NLGN1: variants seen among roughly 807,000 people sequenced by gnomAD.
NLGN1 encodes neuroligin-1.
In NLGN1, 12 loss-of-function variants were observed where a neutral mutation model predicts 65.5. That is an observed-to-expected ratio of 0.18 (90% CI 0.12 to 0.30). The LOEUF (loss-of-function observed/expected upper bound fraction) is 0.30. Ranked by LOEUF, NLGN1 falls within the 10% of genes least tolerant of loss-of-function variation. The probability of loss-of-function intolerance (pLI) is 1.00; values close to 1 mark genes in which losing one functional copy is unlikely to be tolerated. For missense variants in NLGN1, 750 were observed against 1,007.1 expected, an observed-to-expected ratio of 0.74 and a Z score of 3.46; for synonymous variants, 350 against 359.5, an observed-to-expected ratio of 0.97 and a Z score of 0.30.
intron 3 of NLGN1, among the ~76,000 whole-genome samples, chr3:173,745,937 A>G (rs73050435): frequency 0.012 from 1,789 of 152,246 alleles, 30 homozygotes; most frequent in African/African-American, 0.039. Flanking sequence ...TCACTTATCC[A>G]AGTGTGTAAC....
At chr3:174,266,032 G>GTATATA (rs3036872) in intron 4 of NLGN1, among the ~76,000 whole-genome samples, 1 of 129,748 alleles carries the variant, frequency 7.7e-6, no homozygotes, top group African/African-American at 3.0e-5. Context: ...GTGTGTGTGT[G>GTATATA]TATATATATA....
intron 3 of NLGN1, among the ~76,000 whole-genome samples, chr3:173,730,030 C>T (rs966595219): frequency 2.6e-5 from 4 of 151,158 alleles, no homozygotes; most frequent in East Asian, 1.9e-4. Flanking sequence ...TGCATTAATT[C>T]GAAATACAGA....
chr3:173,595,965 T>C (rs1560021449), intron 2 of NLGN1, among the ~76,000 whole-genome samples: 1 of 152,106 alleles, frequency 6.6e-6, no homozygotes, highest in Non-Finnish European at 1.5e-5. Flanking sequence ...CAATTCAAGA[T>C]GAGATTTGGG....
intron 2 of NLGN1, among the ~76,000 whole-genome samples, chr3:173,465,182 G>A (rs1454111974): frequency 6.6e-6 from 1 of 152,218 alleles, no homozygotes; most frequent in Non-Finnish European, 1.5e-5. Context: ...CTTGCAGGGT[G>A]CTGTGTCCTG....
chr3:174,201,170 G>A (rs1457325818), intron 4 of NLGN1, among the ~76,000 whole-genome samples: 1 of 151,938 alleles, frequency 6.6e-6, no homozygotes, highest in East Asian at 1.9e-4. Flanking sequence ...CCCAGGAGGG[G>A]AGGCTGAGGC....
intron 3 of NLGN1, among the ~76,000 whole-genome samples, chr3:173,738,263 G>T (rs1774094225): frequency 6.6e-6 from 1 of 151,820 alleles, no homozygotes; most frequent in Non-Finnish European, 1.5e-5. Flanking sequence ...ATGAAGTCCA[G>T]TTTATCATTT....
chr3:173,452,769 T>C (rs1721839933), intron 2 of NLGN1, among the ~76,000 whole-genome samples: 1 of 152,190 alleles, frequency 6.6e-6, no homozygotes, highest in African/African-American at 2.4e-5. Context: ...GATTCAGGGA[T>C]ACCTCAGAAA....
intron 4 of NLGN1, among the ~76,000 whole-genome samples, chr3:173,937,012 C>T (rs1745190590): frequency 6.6e-6 from 1 of 152,004 alleles, no homozygotes; most frequent in South Asian, 2.1e-4. Context: ...TACACAGAAA[C>T]ACAATGAAAG....
At chr3:173,792,643 A>T (rs369611329) in intron 3 of NLGN1, among the ~76,000 whole-genome samples, 15 of 152,266 alleles carry the variant, frequency 9.9e-5, no homozygotes, top group African/African-American at 3.1e-4. Context: ...AATAAAAAAA[A>T]GACATATTTT....
intron 3 of NLGN1, among the ~76,000 whole-genome samples, chr3:173,742,527 A>C (rs950649222): frequency 1.3e-5 from 2 of 152,160 alleles, no homozygotes; most frequent in African/African-American, 4.8e-5. Context: ...ATAGATGAAG[A>C]AGCTGAGTGT....
At chr3:174,154,910 TTAAGA>T (rs961343413) in intron 4 of NLGN1, among the ~76,000 whole-genome samples, 32 of 86,444 alleles carry the variant, frequency 3.7e-4, no homozygotes, top group Admixed American at 1.4e-3. Flanking sequence ...TCATTTTATA[TTAAGA>T]TATTTATATT....
At chr3:174,004,694 A>G (rs1724005312) in intron 4 of NLGN1, among the ~76,000 whole-genome samples, 2 of 152,278 alleles carry the variant, frequency 1.3e-5, no homozygotes, top group South Asian at 2.1e-4. Context: ...TGGAAAAACA[A>G]TATTTCTTCT....
intron 4 of NLGN1, among the ~76,000 whole-genome samples, chr3:174,062,260 A>T (rs1737582861): frequency 6.6e-6 from 1 of 152,074 alleles, no homozygotes; most frequent in Admixed American, 6.6e-5. Context: ...GGTTACTGAC[A>T]ATTTATTTAA....
At chr3:173,845,637 T>G (rs892483867) in intron 4 of NLGN1, among the ~76,000 whole-genome samples, 1 of 151,888 alleles carries the variant, frequency 6.6e-6, no homozygotes. Flanking sequence ...GATAGATAGA[T>G]AGATAGATAG....
chr3:174,201,692 C>G (rs1734543794), intron 4 of NLGN1, among the ~76,000 whole-genome samples: 1 of 152,182 alleles, frequency 6.6e-6, no homozygotes, highest in Non-Finnish European at 1.5e-5. Flanking sequence ...AATATTGAAA[C>G]AAATTTCTTA....
intron 2 of NLGN1, among the ~76,000 whole-genome samples, chr3:173,450,548 G>A (rs1406144693): frequency 6.6e-6 from 1 of 152,082 alleles, no homozygotes; most frequent in Non-Finnish European, 1.5e-5. Flanking sequence ...TCTTGGAGTT[G>A]CTCTTCTTGA....
At chr3:173,944,124 G>GGGGT (rs1553897256) in intron 4 of NLGN1, among the ~76,000 whole-genome samples, 9 of 139,512 alleles carry the variant, frequency 6.5e-5, no homozygotes, top group Non-Finnish European at 7.8e-5. Context: ...TAATATTATG[G>GGGGT]GTGTGTGTGT....
intron 3 of NLGN1, among the ~76,000 whole-genome samples, chr3:173,781,182 A>G (rs1340857282): frequency 6.6e-6 from 1 of 151,446 alleles, no homozygotes; most frequent in African/African-American, 2.4e-5. Context: ...CATGTAAGTG[A>G]AAAAGTAAAA....
rs191011122 is a variant in NLGN1, at chr3:173,624,525, A to T, written c.493+19434A>T. Among the ~76,000 whole-genome samples the T allele has an allele frequency of 1.4e-4, 21 of 152,264 alleles. No homozygotes were observed. The East Asian group carries it at 4.1e-3, about 29-fold the overall frequency. ...TCCCACCTCCTACAATGAATTAAGG[A>T]TACATTAAGGAGACAATTTCTTCTT... On this transcript the variant is annotated intron_variant, in intron 3 of 6. Transcript: ENST00000457714.
Sources: allele counts gnomAD v4.1 joint callset (sites outside exome capture counted in the v4.1 genomes callset), GRCh38; gene constraint gnomAD v4.1.1; transcripts MANE v1.5; gene names NCBI Gene and HGNC (gene_info 2026-07-23, HGNC 2026-07-21).